SGCZ: variants seen among roughly 807,000 people sequenced by gnomAD.
SGCZ encodes the protein sarcoglycan zeta, also known as zeta-sarcoglycan.
A neutral mutation model predicts 41.3 loss-of-function variants in SGCZ; 40 were observed. That is an observed-to-expected ratio of 0.97 (90% confidence interval 0.75 to 1.26). SGCZ has a LOEUF of 1.26. SGCZ is among the 50% of genes most tolerant of loss of function. The probability of loss-of-function intolerance (pLI) is 0.00; values close to 1 mark genes in which losing one functional copy is unlikely to be tolerated. For synonymous variants in SGCZ, 206 were observed against 137.5 expected, an observed-to-expected ratio of 1.50 and a Z score of -3.49; for missense variants, 552 against 369.8, an observed-to-expected ratio of 1.49 and a Z score of -4.04.
At chr8:14,946,503 T>G (rs1800451627) in intron 1 of SGCZ, among the ~76,000 whole-genome samples, 1 of 151,954 alleles carries the variant, frequency 6.6e-6, no homozygotes. Flanking sequence ...GTAATTGAGT[T>G]CTCCCTCTAA....
chr8:14,419,604 G>A (rs1393008834), intron 2 of SGCZ, among the ~76,000 whole-genome samples: 1 of 151,766 alleles, frequency 6.6e-6, no homozygotes, highest in South Asian at 2.1e-4. Flanking sequence ...CTACAAAAAA[G>A]GCCTATTTTA....
intron 2 of SGCZ, among the ~76,000 whole-genome samples, chr8:14,398,717 C>T (rs2117238999): frequency 6.6e-6 from 1 of 152,088 alleles, no homozygotes; most frequent in Middle Eastern, 3.4e-3. Context: ...ACAGAAATAA[C>T]ATTATTTATT....
chr8:15,180,021 T>C (rs1460743578), intron 1 of SGCZ, among the ~76,000 whole-genome samples: 1 of 152,184 alleles, frequency 6.6e-6, no homozygotes. Flanking sequence ...ATGCACATTT[T>C]TACTATGTGT....
intron 1 of SGCZ, among the ~76,000 whole-genome samples, chr8:14,841,729 T>G (rs1259557049): frequency 1.3e-5 from 2 of 152,146 alleles, no homozygotes; most frequent in Admixed American, 6.5e-5. Context: ...AATCAATATG[T>G]TTTCTTTAAA....
intron 1 of SGCZ, among the ~76,000 whole-genome samples, chr8:15,140,467 C>A (rs1202138653): frequency 1.3e-5 from 2 of 152,088 alleles, no homozygotes; most frequent in African/African-American, 2.4e-5. Context: ...ATAGAAAGAT[C>A]ACTTATTTTT....
At chr8:14,408,939 TTTAAA>T (rs1799282686) in intron 2 of SGCZ, among the ~76,000 whole-genome samples, 1 of 112,120 alleles carries the variant, frequency 8.9e-6, no homozygotes, top group Non-Finnish European at 1.8e-5. Context: ...CTAACACATT[TTTAAA>T]TTAAGAGAGT....
intron 1 of SGCZ, among the ~76,000 whole-genome samples, chr8:14,959,137 C>T (rs995558971): frequency 6.6e-6 from 1 of 152,074 alleles, no homozygotes; most frequent in Non-Finnish European, 1.5e-5. Flanking sequence ...TTGAGCAATA[C>T]AACCAAAATA....
chr8:14,217,083 A>G (rs4571734), intron 4 of SGCZ, among the ~76,000 whole-genome samples: 13 of 152,202 alleles, frequency 8.5e-5, no homozygotes, highest in African/African-American at 2.9e-4. Context: ...GTCAGGGGAT[A>G]GAGACCATCC....
chr8:14,773,536 G>A (rs936757562), intron 1 of SGCZ, among the ~76,000 whole-genome samples: 2 of 152,168 alleles, frequency 1.3e-5, no homozygotes, highest in Admixed American at 1.3e-4. Context: ...CTCCCATTCT[G>A]GGGACAGAGT....
intron 7 of SGCZ, among the ~76,000 whole-genome samples, chr8:14,100,622 T>C (rs1801990310): frequency 6.8e-6 from 1 of 147,772 alleles, no homozygotes; most frequent in African/African-American, 2.5e-5. Flanking sequence ...AATATATTAA[T>C]ATATTTTCAA....
At chr8:14,798,862 G>A (rs1382807939) in intron 1 of SGCZ, among the ~76,000 whole-genome samples, 1 of 151,700 alleles carries the variant, frequency 6.6e-6, no homozygotes. Context: ...GAAATGTGTA[G>A]TAAAAATATG....
chr8:14,469,735 C>T (rs910190021), intron 2 of SGCZ, among the ~76,000 whole-genome samples: 2 of 152,038 alleles, frequency 1.3e-5, no homozygotes, highest in African/African-American at 4.8e-5. Flanking sequence ...AAGTTAACGG[C>T]CAATGGCTGA....
At chr8:14,732,547 AC>A (rs1563232595) in intron 1 of SGCZ, among the ~76,000 whole-genome samples, 19 of 152,118 alleles carry the variant, frequency 1.2e-4, no homozygotes, top group Non-Finnish European at 1.5e-5. Context: ...GCTGTCAGGA[AC>A]CTGAATGCTA....
intron 1 of SGCZ, among the ~76,000 whole-genome samples, chr8:15,097,817 T>TAC (rs1806414828): frequency 3.3e-5 from 1 of 29,894 alleles, no homozygotes; most frequent in African/African-American, 1.0e-4. Context: ...TATATATACG[T>TAC]GTGTGTATAT....
rs1563164628 is a variant in SGCZ, at chr8:15,172,147, ATACT to A, written c.39+65434_39+65437del. On this transcript the variant is annotated intron_variant, in intron 1 of 7. Transcript: ENST00000382080. The stretch of plus-strand genomic sequence containing the variant: ...AGTTTAAAGGAAAAAAATGCCTTTT[ATACT>A]CTGTTTTTTTTTTTTTTTTTTTTTT... Among the ~76,000 whole-genome samples the A allele has an allele frequency of 6.8e-5, 9 of 132,844 alleles. No homozygotes were observed. The East Asian group carries it at 1.2e-3, about 18-fold the overall frequency. The allele number at this position is 132,844 out of a possible 152,430, so 87.2% of individuals were successfully genotyped here.
At chr8:14,740,283 A>G (rs918319446) in intron 1 of SGCZ, among the ~76,000 whole-genome samples, 8 of 152,036 alleles carry the variant, frequency 5.3e-5, no homozygotes, top group Non-Finnish European at 1.0e-4. Flanking sequence ...TCAACTTGCT[A>G]ATTCCAGGGA....
chr8:14,660,749 A>C (rs1258328000), intron 1 of SGCZ, among the ~76,000 whole-genome samples: 2 of 152,046 alleles, frequency 1.3e-5, no homozygotes, highest in Admixed American at 1.3e-4. Flanking sequence ...TTACTGGGAA[A>C]GCTTGGCATT....
intron 1 of SGCZ, among the ~76,000 whole-genome samples, chr8:14,590,908 T>C (rs916952955): frequency 2.7e-5 from 4 of 149,468 alleles, no homozygotes; most frequent in Non-Finnish European, 5.9e-5. Flanking sequence ...ATAAAGTACA[T>C]ACACTATATA....
At chr8:14,737,044 T>C (rs920621288) in intron 1 of SGCZ, among the ~76,000 whole-genome samples, 7 of 150,076 alleles carry the variant, frequency 4.7e-5, no homozygotes, top group Admixed American at 6.7e-5. Flanking sequence ...ATACCAGACA[T>C]ATAGCTATAT....
Sources: allele counts gnomAD v4.1 joint callset (sites outside exome capture counted in the v4.1 genomes callset), GRCh38; gene constraint gnomAD v4.1.1; transcripts MANE v1.5; gene names NCBI Gene and HGNC (gene_info 2026-07-23, HGNC 2026-07-21).